Variants in PTK2 observed in about 807,000 individuals in gnomAD.
PTK2 encodes focal adhesion kinase 1.
A neutral mutation model predicts 150.1 loss-of-function variants in PTK2; 45 were observed. That is an observed-to-expected ratio of 0.30 (90% CI 0.24 to 0.38). The LOEUF (loss-of-function observed/expected upper bound fraction) is 0.38. Ranked by LOEUF, PTK2 falls within the 10% of genes least tolerant of loss-of-function variation. PTK2 has a pLI of 1.00. For synonymous variants in PTK2, 432 were observed against 449.2 expected, an observed-to-expected ratio of 0.96 and a Z score of 0.48; for missense variants, 919 against 1,307.3, an observed-to-expected ratio of 0.70 and a Z score of 4.58.
chr8:140,670,487 CA>C (rs961270439), intron 29 of PTK2, among the ~76,000 whole-genome samples: 106 of 12,686 alleles, frequency 8.4e-3, no homozygotes, highest in African/African-American at 0.019. Flanking sequence ...AAAAAAACAA[CA>C]ACACACACAC....
At chr8:140,723,177 T>C (rs1190342010) in intron 22 of PTK2, among the ~76,000 whole-genome samples, 1 of 152,248 alleles carries the variant, frequency 6.6e-6, no homozygotes, top group East Asian at 1.9e-4. Context: ...ATTGCCATGT[T>C]GTGGAATTTA....
At chr8:140,999,254 T>G (rs2100199054) in intron 1 of PTK2, among the ~76,000 whole-genome samples, 1 of 152,228 alleles carries the variant, frequency 6.6e-6, no homozygotes, top group Non-Finnish European at 1.5e-5. Flanking sequence ...GCGTCTACAC[T>G]GAAGTCTTAG....
intron 22 of PTK2, among the ~76,000 whole-genome samples, chr8:140,720,905 G>A (rs2100042540): frequency 6.6e-6 from 1 of 152,048 alleles, no homozygotes; most frequent in African/African-American, 2.4e-5. Context: ...AGGTGCATGT[G>A]CCACCATGCC....
intron 16 of PTK2, among the ~76,000 whole-genome samples, chr8:140,757,726 T>C (rs1337706327): frequency 1.3e-5 from 2 of 152,210 alleles, no homozygotes; most frequent in Non-Finnish European, 2.9e-5. Flanking sequence ...TCTGTTCACC[T>C]GCTACTATTC....
intron 1 of PTK2, among the ~76,000 whole-genome samples, chr8:140,955,610 T>C (rs921914172): frequency 6.6e-6 from 1 of 152,126 alleles, no homozygotes; most frequent in African/African-American, 2.4e-5. Flanking sequence ...TTTGAAGCTA[T>C]AAGAAAAGCC....
chr8:140,743,210 G>A lies in PTK2; in HGVS notation c.1735+20C>T. 1.4e-6 allele frequency: 2 copies of A among 1,472,104 alleles called. No individual in the cohort carries two copies. Among genetic ancestry groups the A allele is most frequent in the South Asian group, 1.1e-5 (1 of 87,308 alleles). 91.2% of individuals were successfully genotyped at this position (1,472,104 alleles called of 1,614,324 possible). A position where few individuals can be genotyped will look rare whatever the true frequency, so the allele number is the denominator to read the frequency against. On this transcript the variant is annotated intron_variant, in intron 20 of 31. Transcript: ENST00000522684. ...TAAAGATTCCAAGCCTATTTCTTAG[G>A]TACTACTCTGATTTCTTACCTTTGT...
chr8:140,668,341 C>G, exon 30 of PTK2: 1 of 1,614,124 alleles, frequency 6.2e-7, no homozygotes, highest in East Asian at 2.2e-5. Flanking sequence ...CAGCTTTCAC[C>G]AGGCCCGTCA....
At chr8:140,860,705 C>T (rs1281787661) in intron 5 of PTK2, among the ~76,000 whole-genome samples, 1 of 152,184 alleles carries the variant, frequency 6.6e-6, no homozygotes, top group East Asian at 1.9e-4. Context: ...AACTCCTGAC[C>T]TCAGGTGATC....
At chr8:140,687,533 T>C (rs998341196) in intron 26 of PTK2, among the ~76,000 whole-genome samples, 17 of 152,216 alleles carry the variant, frequency 1.1e-4, no homozygotes, top group Non-Finnish European at 2.4e-4. Context: ...AGCATCTTGA[T>C]GTCTGATTCG....
At chr8:141,001,239 C>CCGGGGG (rs1555525371), upstream of PTK2, 3 of 148,208 alleles carry the variant, frequency 2.0e-5, no homozygotes, top group African/African-American at 7.3e-5. Flanking sequence ...TGGTCCGGGA[C>CCGGGGG]CGGCGGCGGC....
intron 14 of PTK2, among the ~76,000 whole-genome samples, chr8:140,785,049 C>G (rs2100084120): frequency 6.6e-6 from 1 of 152,308 alleles, no homozygotes; most frequent in Admixed American, 6.5e-5. Context: ...TTATCTAGAT[C>G]CTCGCTTTTT....
At chr8:140,672,368 T>C (rs2095661963) in intron 29 of PTK2, among the ~76,000 whole-genome samples, 1 of 152,196 alleles carries the variant, frequency 6.6e-6, no homozygotes. Flanking sequence ...AAGCCAATAT[T>C]GGGAAGGGTG....
chr8:140,807,770 C>A (rs1007019442), intron 10 of PTK2, among the ~76,000 whole-genome samples: 5 of 152,172 alleles, frequency 3.3e-5, no homozygotes, highest in African/African-American at 1.2e-4. Flanking sequence ...AAATTAATTG[C>A]ACCTATCTTT....
At chr8:140,674,309 CGTT>C (rs761492052) in exon 29 of PTK2, 4 of 1,605,042 alleles carry the variant, frequency 2.5e-6, no homozygotes, top group Admixed American at 1.7e-5. Context: ...TTGACACCCT[CGTT>C]GTAGCTGTCA....
chr8:140,789,547 G>A, intron 13 of PTK2, 21 bp from the exon 14 acceptor site: 2 of 1,610,490 alleles, frequency 1.2e-6, no homozygotes, highest in Non-Finnish European at 1.7e-6. Flanking sequence ...CAAGAGCAAA[G>A]CTGTAAGCCC....
chr8:140,771,862 C>A (rs1333538909), intron 14 of PTK2, among the ~76,000 whole-genome samples: 1 of 151,412 alleles, frequency 6.6e-6, no homozygotes, highest in African/African-American at 2.4e-5. Context: ...CTCACTGCAA[C>A]CTCTGCCTCC....
intron 10 of PTK2, among the ~76,000 whole-genome samples, chr8:140,815,217 T>C (rs28496498): frequency 0.024 from 3,673 of 150,856 alleles, 157 homozygotes; most frequent in African/African-American, 0.086. Context: ...TGGAATATTA[T>C]GCAGCCAAAA....
chr8:140,911,491 C>A (rs1389776462), intron 2 of PTK2, among the ~76,000 whole-genome samples: 4 of 151,992 alleles, frequency 2.6e-5, no homozygotes, highest in Admixed American at 6.6e-5. Flanking sequence ...TTCAGAAATG[C>A]AATGTTAAGT....
At chr8:140,828,090 C>T (rs892306802) in intron 8 of PTK2, among the ~76,000 whole-genome samples, 3 of 150,474 alleles carry the variant, frequency 2.0e-5, no homozygotes, top group East Asian at 2.0e-4. Flanking sequence ...TTGCTTGAAC[C>T]GGGAGGAGGA....
Sources: gnomAD v4.1 joint callset for allele counts (sites outside exome capture counted in the v4.1 genomes callset) on GRCh38, gnomAD v4.1.1 for gene constraint, MANE v1.5 for transcripts, NCBI Gene and HGNC (gene_info 2026-07-23, HGNC 2026-07-21) for gene names.